The following ADAMTSL1 variants were observed in gnomAD, a reference collection of about 807,000 sequenced individuals.
The protein encoded by ADAMTSL1 is ADAMTS like 1.
Under a neutral mutation model 201.8 loss-of-function variants are expected in ADAMTSL1, and 126 were observed. That is an observed-to-expected ratio of 0.62 (90% confidence interval 0.54 to 0.72). ADAMTSL1 has a LOEUF of 0.72. ADAMTSL1 is among the 30% of genes least tolerant of loss of function. ADAMTSL1 has a pLI of 0.00. For missense variants in ADAMTSL1, 2,679 were observed against 2,277.8 expected (o/e 1.18, Z -3.59); for synonymous variants, 1,121 against 903.4 (o/e 1.24, Z -4.32).
At chr9:17,923,121 C>T (rs953144845) in intron 1 of ADAMTSL1, among the ~76,000 whole-genome samples, 3 of 151,912 alleles carry the variant, frequency 2.0e-5, no homozygotes, top group Admixed American at 6.6e-5. Context: ...CTTGGCAATG[C>T]GGGCTCTTTT....
intron 2 of ADAMTSL1, among the ~76,000 whole-genome samples, chr9:18,204,662 C>T (rs1226228401): frequency 6.6e-6 from 1 of 152,088 alleles, no homozygotes; most frequent in Non-Finnish European, 1.5e-5. Context: ...TTCCTTCAAT[C>T]ATCTGAAGAC....
chr9:18,894,001 GAAGAAATGAAGGGAAAA>G (rs531433071), intron 26 of ADAMTSL1, among the ~76,000 whole-genome samples: 171 of 152,338 alleles, frequency 1.1e-3, no homozygotes, highest in African/African-American at 4.0e-3. Flanking sequence ...AAGCATGTGT[GAAGAAATGAAGGGAAAA>G]GCAGCCCACA....
chr9:18,835,063 G>T (rs973828822), intron 23 of ADAMTSL1, among the ~76,000 whole-genome samples: 13 of 152,082 alleles, frequency 8.5e-5, no homozygotes, highest in African/African-American at 2.7e-4. Flanking sequence ...CAAAGTAGTT[G>T]TACTACTTTA....
intron 26 of ADAMTSL1, among the ~76,000 whole-genome samples, chr9:18,899,816 A>C (rs1042783958): frequency 2.0e-5 from 3 of 151,970 alleles, no homozygotes; most frequent in Admixed American, 6.6e-5. Context: ...CTTAAATGTA[A>C]AACCCCAAAC....
intron 26 of ADAMTSL1, among the ~76,000 whole-genome samples, chr9:18,893,480 C>T (rs1408302891): frequency 2.0e-5 from 3 of 152,136 alleles, no homozygotes; most frequent in Admixed American, 2.0e-4. Flanking sequence ...CCCTCCAGGC[C>T]AGTACGTGTC....
chr9:18,906,957 C>T lies in ADAMTSL1; in HGVS notation c.5182+45C>T, dbSNP rs763706792. ...AACCTTCTGCAAATTCCCCATAGAG[C>T]ATCGAGTGCAGAGAGCAGTCCCTGG... On this transcript the variant is annotated intron_variant, in intron 28 of 28. Transcript: ENST00000380548. 2.5e-6 allele frequency: 4 copies of T among 1,604,558 alleles called. No individual in the cohort carries two copies. In the South Asian group the frequency reaches 4.5e-5, roughly 18 times the overall value.
At chr9:17,978,728 A>G (rs1818557465) in intron 1 of ADAMTSL1, among the ~76,000 whole-genome samples, 1 of 152,118 alleles carries the variant, frequency 6.6e-6, no homozygotes, top group Non-Finnish European at 1.5e-5. Context: ...TTACAGTATT[A>G]GAGTATTATG....
chr9:18,056,044 C>G (rs1402985101), intron 1 of ADAMTSL1, among the ~76,000 whole-genome samples: 1 of 152,090 alleles, frequency 6.6e-6, no homozygotes, highest in Non-Finnish European at 1.5e-5. Context: ...TTCCTGGGAT[C>G]TGCTGTACAG....
intron 1 of ADAMTSL1, among the ~76,000 whole-genome samples, chr9:18,122,035 T>C (rs926061767): frequency 6.6e-6 from 1 of 152,136 alleles, no homozygotes; most frequent in Non-Finnish European, 1.5e-5. Flanking sequence ...AATAGGCAAA[T>C]AGGAAAATAT....
At chr9:18,661,532 A>C (rs1005742252) in intron 8 of ADAMTSL1, among the ~76,000 whole-genome samples, 1 of 152,204 alleles carries the variant, frequency 6.6e-6, no homozygotes, top group Non-Finnish European at 1.5e-5. Context: ...TATTCTCCCT[A>C]GTGCCCCAGG....
At chr9:18,479,393 G>C (rs1214571930) in intron 1 of ADAMTSL1, among the ~76,000 whole-genome samples, 1 of 152,110 alleles carries the variant, frequency 6.6e-6, no homozygotes. Flanking sequence ...GTATCCACAA[G>C]CATTCTTTAT....
chr9:18,578,925 C>A (rs891991899), intron 4 of ADAMTSL1, among the ~76,000 whole-genome samples: 1 of 151,130 alleles, frequency 6.6e-6, no homozygotes, highest in Non-Finnish European at 1.5e-5. Flanking sequence ...GCCATTCTAA[C>A]TGGTGTGAGA....
chr9:18,412,087 T>C (rs920421423), intron 2 of ADAMTSL1, among the ~76,000 whole-genome samples: 3 of 152,234 alleles, frequency 2.0e-5, no homozygotes, highest in African/African-American at 7.2e-5. Context: ...CCTAGAATAT[T>C]CATTCTGGAT....
chr9:18,209,884 G>A (rs945896540), intron 2 of ADAMTSL1, among the ~76,000 whole-genome samples: 2 of 152,104 alleles, frequency 1.3e-5, no homozygotes, highest in Admixed American at 1.3e-4. Context: ...CTGTTCTCTG[G>A]ATCTACCTGT....
chr9:18,577,729 C>G (rs983327779), intron 4 of ADAMTSL1, among the ~76,000 whole-genome samples: 6 of 152,056 alleles, frequency 3.9e-5, no homozygotes, highest in African/African-American at 1.4e-4. Context: ...ACTAGTGGTT[C>G]CCTGTATAAG....
chr9:18,604,976 C>G (rs746983168), intron 4 of ADAMTSL1, among the ~76,000 whole-genome samples: 1 of 152,152 alleles, frequency 6.6e-6, no homozygotes, highest in Non-Finnish European at 1.5e-5. Flanking sequence ...TAGGACAATA[C>G]CATTCCCATA....
chr9:18,227,048 C>T (rs769484822), intron 2 of ADAMTSL1, among the ~76,000 whole-genome samples: 6 of 152,084 alleles, frequency 3.9e-5, no homozygotes, highest in Non-Finnish European at 8.8e-5. Flanking sequence ...ATTTTACCTG[C>T]TTTCTTATTT....
chr9:18,701,958 A>G (rs1831947814), intron 13 of ADAMTSL1, among the ~76,000 whole-genome samples: 1 of 152,230 alleles, frequency 6.6e-6, no homozygotes, highest in South Asian at 2.1e-4. Context: ...TTTACAAAAG[A>G]AAGAGGTTTA....
chr9:17,958,357 A>G (rs1400733253), intron 1 of ADAMTSL1, among the ~76,000 whole-genome samples: 1 of 152,218 alleles, frequency 6.6e-6, no homozygotes, highest in Non-Finnish European at 1.5e-5. Context: ...AGCAACTTGT[A>G]GAAACATTCC....
Sources: gnomAD v4.1 joint callset for allele counts (sites outside exome capture counted in the v4.1 genomes callset) on GRCh38, gnomAD v4.1.1 for gene constraint, MANE v1.5 for transcripts, NCBI Gene and HGNC (gene_info 2026-07-23, HGNC 2026-07-21) for gene names.